Variants in LPIN1 observed in about 807,000 individuals in gnomAD.
The protein encoded by LPIN1 is phosphatidate phosphatase LPIN1.
Under a neutral mutation model 107.5 loss-of-function variants are expected in LPIN1, and 71 were observed. The observed-to-expected ratio is 0.66, with a 90% CI of 0.55 to 0.80. LPIN1 has a LOEUF of 0.80. LPIN1 is among the 30% of genes least tolerant of loss of function. LPIN1 has a pLI of 0.00. For synonymous variants in LPIN1, 445 were observed against 452.6 expected, an observed-to-expected ratio of 0.98 and a Z score of 0.21; for missense variants, 1,043 against 1,160.6, an observed-to-expected ratio of 0.90 and a Z score of 1.47.
intron 15 of LPIN1, 43 bp from the exon 16 acceptor site, chr2:11,804,380 C>T (rs1558272014): frequency 1.2e-6 from 2 of 1,612,586 alleles, no homozygotes; most frequent in Non-Finnish European, 1.7e-6. Flanking sequence ...CAATCAGGGC[C>T]TTTCCCTCAA....
intron 1 of LPIN1, among the ~76,000 whole-genome samples, chr2:11,727,518 G>T (rs1664783136): frequency 6.6e-6 from 1 of 152,100 alleles, no homozygotes; most frequent in Non-Finnish European, 1.5e-5. Context: ...GACGTGGGGT[G>T]CTTGTGTGCT....
chr2:11,691,247 A>G (rs1270797060), intron 1 of LPIN1, among the ~76,000 whole-genome samples: 1 of 152,042 alleles, frequency 6.6e-6, no homozygotes, highest in Non-Finnish European at 1.5e-5. Flanking sequence ...GCCTTATAAC[A>G]GCACTTCCAA....
chr2:11,689,108 A>G (rs1662149119), intron 1 of LPIN1, among the ~76,000 whole-genome samples: 1 of 152,226 alleles, frequency 6.6e-6, no homozygotes, highest in South Asian at 2.1e-4. Flanking sequence ...AACAATGTCC[A>G]GGTTGATTAT....
At chr2:11,767,531 T>C (rs1221796104) in intron 2 of LPIN1, 1 of 563,598 alleles carries the variant, frequency 1.8e-6, no homozygotes, top group Admixed American at 3.1e-5. Flanking sequence ...ACCAACGTAC[T>C]GTTTTGGGTT....
Position 11,697,798 on chromosome 2 carries a change from A to C in LPIN1, c.82-15958A>C, listed in dbSNP as rs2148513275. 6.6e-6 allele frequency among the ~76,000 whole-genome samples: 1 copy of C among 152,012 alleles called. No homozygotes were observed. The highest frequency in any genetic ancestry group is 1.9e-4 in the East Asian group (1 of 5,164). ...GGGCCTTGTGTCCTTCCCCATTTACAACCCCCTCCTCCCCATCTCACCAGG... is the reference window on the plus strand; with the variant it reads ...GGGCCTTGTGTCCTTCCCCATTTACCACCCCCTCCTCCCCATCTCACCAGG... On this transcript the variant is annotated intron_variant, in intron 1 of 21. Transcript: ENST00000449576. This position sits in a 1 kb window ranked among gnomAD's most constrained non-coding sequence, Gnocchi z 4.6.
intron 1 of LPIN1, among the ~76,000 whole-genome samples, chr2:11,730,902 G>A (rs1665124275): frequency 6.6e-6 from 1 of 152,086 alleles, no homozygotes; most frequent in East Asian, 1.9e-4. Context: ...CTCCTGTTCT[G>A]CTGCTCTTGT....
chr2:11,808,300 C>T (rs1183799164), intron 17 of LPIN1, among the ~76,000 whole-genome samples: 1 of 152,202 alleles, frequency 6.6e-6, no homozygotes, highest in Admixed American at 6.5e-5. Flanking sequence ...TCCTAGCAGG[C>T]TCTCTCAAGC....
chr2:11,769,364 T>C (rs555616869), intron 3 of LPIN1, among the ~76,000 whole-genome samples: 2 of 152,218 alleles, frequency 1.3e-5, no homozygotes, highest in African/African-American at 4.8e-5. Flanking sequence ...TCTGAATCTT[T>C]GGAGAAATGT....
At chr2:11,678,132 G>A (rs1661525808) in intron 1 of LPIN1, among the ~76,000 whole-genome samples, 3 of 152,084 alleles carry the variant, frequency 2.0e-5, no homozygotes. Context: ...AGAGTTGAAG[G>A]GACCCCTCCA....
rs1225275766 is a variant in LPIN1, at chr2:11,824,776, T to G, written c.2766T>G (p.His922Gln). Reference sequence around the variant, plus strand: ...CACCTTTTGAAAACCAGGACATTCATTCTGCCTCAGCGTAAAATGTCCCAA... The same window carrying G: ...CACCTTTTGAAAACCAGGACATTCAGTCTGCCTCAGCGTAAAATGTCCCAA... ...PLPPFENQDI[H>Q]SASA Residue 922 changes from histidine (H) to glutamine (Q), a missense_variant, in exon 21 of 21, where the codon CAT (histidine) becomes CAG (glutamine). By Grantham distance (24) the His-to-Gln change is conservative. Coordinates refer to ENST00000674199, the MANE Select transcript of LPIN1 (RefSeq NM_001349206.2). 6.2e-7 allele frequency: 1 copy of G among 1,614,110 alleles called. No individual in the cohort carries two copies. The highest frequency in any genetic ancestry group is 8.5e-7 in the Non-Finnish European group (1 of 1,180,048).
At chr2:11,767,239 G>A (rs1472322831) in intron 2 of LPIN1, among the ~76,000 whole-genome samples, 1 of 152,146 alleles carries the variant, frequency 6.6e-6, no homozygotes, top group East Asian at 1.9e-4. Flanking sequence ...TCTTCCTTGA[G>A]TATGTGTGAA....
At chr2:11,730,751 A>G (rs1024904209) in intron 1 of LPIN1, among the ~76,000 whole-genome samples, 2 of 152,150 alleles carry the variant, frequency 1.3e-5, no homozygotes, top group African/African-American at 2.4e-5. Flanking sequence ...GCTGCCCTCC[A>G]TGCAGCACAG....
chr2:11,701,399 G>A (rs143330504), intron 1 of LPIN1, among the ~76,000 whole-genome samples: 1 of 152,186 alleles, frequency 6.6e-6, no homozygotes, highest in Non-Finnish European at 1.5e-5. Flanking sequence ...GATGCTCAAT[G>A]AATGTGTGAC....
At chr2:11,780,618 C>T (rs1356395064) in intron 7 of LPIN1, among the ~76,000 whole-genome samples, 3 of 152,138 alleles carry the variant, frequency 2.0e-5, no homozygotes, top group Admixed American at 6.5e-5. Context: ...CTGAGGGTAG[C>T]GGAGAGAATG....
rs1394968289 is a variant in LPIN1 at position 11,802,813 on chromosome 2, T to TGG, written c.1887-93_1887-92dup. On this transcript the variant is annotated intron_variant, in intron 14 of 20. Coordinates refer to ENST00000674199, the MANE Select transcript of LPIN1 (RefSeq NM_001349206.2). The stretch of plus-strand genomic sequence containing the variant: ...CCGAGAGACGGGACTCAGGAGAGAC[T>TGG]GGATTGACTTAGTCATTGATTAAAG... The TGG allele has an allele frequency of 6.2e-6, 9 of 1,453,308 alleles. No individual in the cohort carries two copies. The East Asian group carries it at 1.6e-4, about 26-fold the overall frequency. 90.0% of individuals were successfully genotyped at this position (1,453,308 alleles called of 1,614,324 possible). A position where few individuals can be genotyped will look rare whatever the true frequency, so the allele number is the denominator to read the frequency against.
upstream of LPIN1, among the ~76,000 whole-genome samples, chr2:11,719,902 G>A (rs1664008422): frequency 6.6e-6 from 1 of 151,204 alleles, no homozygotes; most frequent in African/African-American, 2.4e-5. Context: ...TATACAGAAT[G>A]GTCATTTTTT....
At chr2:11,814,607 T>G (rs1680260171) in intron 17 of LPIN1, among the ~76,000 whole-genome samples, 1 of 151,938 alleles carries the variant, frequency 6.6e-6, no homozygotes. Context: ...AATATTTATG[T>G]GCTGATGTGA....
chr2:11,815,334 G>A lies in LPIN1; in HGVS notation c.2402+94G>A, dbSNP rs144388011. On this transcript the variant is annotated intron_variant, in intron 18 of 20. Transcript: ENST00000674199. ...TTTTGTAAGAATAGCCTCCTCACTGGTCTTCTGCCCCAATATCCATGCTCC... is the reference window on the plus strand; with the variant it reads ...TTTTGTAAGAATAGCCTCCTCACTGATCTTCTGCCCCAATATCCATGCTCC... The A allele has an allele frequency of 3.9e-4, 563 of 1,437,128 alleles. 8 individuals are homozygous for A. The East Asian group carries it at 0.013, about 33-fold the overall frequency. 89.0% of individuals were successfully genotyped at this position (1,437,128 alleles called of 1,614,324 possible).
chr2:11,769,858 G>A (rs1009393390), intron 3 of LPIN1, among the ~76,000 whole-genome samples: 1 of 152,168 alleles, frequency 6.6e-6, no homozygotes, highest in African/African-American at 2.4e-5. Flanking sequence ...AAAAAGGAAC[G>A]GTTCTTTATA....
Sources: allele counts gnomAD v4.1 joint callset (sites outside exome capture counted in the v4.1 genomes callset), GRCh38; gene constraint gnomAD v4.1.1; non-coding constraint Gnocchi (gnomAD v3.1); transcripts MANE v1.5; gene names NCBI Gene and HGNC (gene_info 2026-07-23, HGNC 2026-07-21).